CARHSP1: variants seen among roughly 807,000 people sequenced by gnomAD.
CARHSP1 encodes the protein calcium regulated heat stable protein 1.
A neutral mutation model predicts 12.5 loss-of-function variants in CARHSP1; 14 were observed. The observed-to-expected ratio is 1.12, with a 90% confidence interval of 0.74 to 1.75. The LOEUF is 1.75. Ranked by LOEUF, CARHSP1 falls within the 40% of genes most tolerant of loss-of-function variation. CARHSP1 has a pLI of 0.00. For synonymous variants in CARHSP1, 161 were observed against 82.0 expected, an observed-to-expected ratio of 1.96 and a Z score of -5.20; for missense variants, 343 against 201.6, an observed-to-expected ratio of 1.70 and a Z score of -4.25.
chr16:8,867,200 C>T (rs1188102025), intron 1 of CARHSP1: 2 of 152,316 alleles, frequency 1.3e-5, no homozygotes, highest in African/African-American at 2.4e-5. Flanking sequence ...CACGCCTCCC[C>T]CACTCAATCC....
chr16:8,857,285 T>G lies in CARHSP1; in HGVS notation c.281+1065A>C, dbSNP rs1327723501. 1.6e-3 allele frequency among the ~76,000 whole-genome samples: 199 copies of G among 127,782 alleles called. 5 individuals are homozygous for G. Among genetic ancestry groups the G allele is most frequent in the African/African-American group, 5.1e-3 (179 of 34,894 alleles). The allele number at this position is 127,782 out of a possible 152,430, so 83.8% of individuals were successfully genotyped here. On this transcript the variant is annotated intron_variant, in intron 3 of 3. Coordinates refer to ENST00000311052, the MANE Select transcript of CARHSP1 (RefSeq NM_014316.4). ...TCTGTTTTTTTTTTTTTTTTTTTTT[T>G]TTTTTTTTTTTTTTGAGATGGAGTT...
Position 8,858,612 on chromosome 16 carries a change from C to T in CARHSP1, c.159-140G>A, listed in dbSNP as rs1443410241. 9 of 1,007,690 alleles carry T rather than the reference C, an allele frequency of 8.9e-6. No individual in the cohort carries two copies. In the African/African-American group the frequency reaches 9.8e-5, roughly 11 times the overall value. 62.4% of individuals were successfully genotyped at this position (1,007,690 alleles called of 1,614,324 possible). A position where few individuals can be genotyped will look rare whatever the true frequency, so the allele number is the denominator to read the frequency against. On this transcript the variant is annotated intron_variant, in intron 2 of 3. Coordinates refer to ENST00000311052, the MANE Select transcript of CARHSP1 (RefSeq NM_014316.4). ...ACAGTCACACAGGCTGAGGACTGCA[C>T]AACCCTCAACCCTGGGAGCCGCTCA...
chr16:8,860,103 A>G, intron 1 of CARHSP1: 1 of 981,962 alleles, frequency 1.0e-6, no homozygotes, highest in Non-Finnish European at 1.2e-6. Flanking sequence ...GCAAAAACTG[A>G]CCCTCACGCA....
At chr16:8,868,355 G>A (rs913023793) in intron 1 of CARHSP1, 1 of 152,160 alleles carries the variant, frequency 6.6e-6, no homozygotes, top group Non-Finnish European at 1.5e-5. Flanking sequence ...CTGCGGAAAG[G>A]GGGCCTGTGG....
At chr16:8,866,846 C>T (rs1029219151) in intron 1 of CARHSP1, among the ~76,000 whole-genome samples, 4 of 152,232 alleles carry the variant, frequency 2.6e-5, no homozygotes, top group Admixed American at 2.0e-4. Context: ...AACAGGCGGG[C>T]AGGGAAGGTG....
rs537614451 is a variant in CARHSP1 at position 8,861,989 on chromosome 16, C to CTTTT, written c.-7-2658_-7-2655dup. 8.1e-4 allele frequency among the ~76,000 whole-genome samples: 65 copies of CTTTT among 79,798 alleles called. 3 individuals are homozygous for CTTTT. The highest frequency in any genetic ancestry group is 2.8e-3 in the East Asian group (6 of 2,140). 52.4% of individuals were successfully genotyped at this position (79,798 alleles called of 152,430 possible). On this transcript the variant is annotated intron_variant, in intron 1 of 3. Transcript: ENST00000311052. ...TTCTCCTGGAGTCAAGCATAGCTGACTTTTTTTTTTTTTTTTTTTTTTTTT... is the reference window on the plus strand; with the variant it reads ...TTCTCCTGGAGTCAAGCATAGCTGACTTTTTTTTTTTTTTTTTTTTTTTTTTTTT...
In CARHSP1 at chr16:8,859,290, G is replaced by C. The variant is rs146719271; in HGVS notation, c.39C>G (p.Thr13=). Residue 13 remains threonine, a synonymous_variant, in exon 2 of 4, where the codon ACC becomes ACG. Transcript: ENST00000311052. ...SEPPPPPQPP[T]HQASVGLLDT... is the part of the protein sequence containing the mutation. Reference sequence around the variant, plus strand: ...CCAGCAGCCCGACTGAAGCTTGATGGGTGGGGGGCTGTGGTGGTGGGGGAG... The same window carrying C: ...CCAGCAGCCCGACTGAAGCTTGATGCGTGGGGGGCTGTGGTGGTGGGGGAG... 10 of 1,604,030 alleles carry C rather than the reference G, an allele frequency of 6.2e-6. No homozygotes were observed. Among genetic ancestry groups the C allele is most frequent in the Non-Finnish European group, 6.8e-6 (8 of 1,177,772 alleles).
chr16:8,860,643 G>A (rs1413938583), intron 1 of CARHSP1: 1 of 176,574 alleles, frequency 5.7e-6, no homozygotes, highest in Non-Finnish European at 7.9e-6. Flanking sequence ...GGTACGAGAT[G>A]AAGTAGGGAG....
chr16:8,856,663 G>C (rs2061121938), intron 3 of CARHSP1, among the ~76,000 whole-genome samples: 1 of 152,130 alleles, frequency 6.6e-6, no homozygotes. Flanking sequence ...CCATTGCAGT[G>C]GGCTCCTCTT....
chr16:8,866,157 T>C (rs1380505152), intron 1 of CARHSP1, among the ~76,000 whole-genome samples: 2 of 152,182 alleles, frequency 1.3e-5, no homozygotes, highest in Admixed American at 1.3e-4. Flanking sequence ...TCTCACTGTG[T>C]TGTCCAGGCT....
At position 8,854,862 on chromosome 16, in the gene CARHSP1, C is replaced by T. The variant is rs1315205776; in HGVS notation, c.*302G>A. 4 of 245,102 alleles carry T rather than the reference C, an allele frequency of 1.6e-5. No individual in the cohort carries two copies. Among genetic ancestry groups the T allele is most frequent in the East Asian group, 1.5e-4 (2 of 13,580 alleles). The allele number at this position is 245,102 out of a possible 1,614,324, so 15.2% of individuals were successfully genotyped here. A position where few individuals can be genotyped will look rare whatever the true frequency, so the allele number is the denominator to read the frequency against. Reference sequence around the variant, plus strand: ...AGCTGGAGAAATACCACCCTTGATCCACTCCCTGGGATGGGGTTGGAACCT... The same window carrying T: ...AGCTGGAGAAATACCACCCTTGATCTACTCCCTGGGATGGGGTTGGAACCT... On this transcript the variant is annotated 3_prime_UTR_variant, in exon 4 of 4. Coordinates refer to ENST00000311052, the MANE Select transcript of CARHSP1 (RefSeq NM_014316.4).
chr16:8,855,323 C>T lies in CARHSP1; in HGVS notation c.285G>A (p.Val95=), dbSNP rs750865919. The T allele has an allele frequency of 1.0e-5, 16 of 1,597,298 alleles. No individual in the cohort carries two copies. Among genetic ancestry groups the T allele is most frequent in the Middle Eastern group, 1.7e-4 (1 of 6,014 alleles). Reference sequence around the variant, plus strand: ...CTTCCACTGGGACATACTCCCCTTCCACACTACGGGGGCATAAATAAAGCA... The same window carrying T: ...CTTCCACTGGGACATACTCCCCTTCTACACTACGGGGGCATAAATAAAGCA... ...GPDIFLHISD[V]EGEYVPVEGD... The change falls in exon 4 of 4, where the codon GTG becomes GTA. Residue 95 remains valine, a synonymous_variant. Coordinates refer to ENST00000311052, the MANE Select transcript of CARHSP1 (RefSeq NM_014316.4).
intron 1 of CARHSP1, among the ~76,000 whole-genome samples, chr16:8,860,947 G>A (rs1360339198): frequency 6.6e-6 from 1 of 151,510 alleles, no homozygotes; most frequent in Non-Finnish European, 1.5e-5. Flanking sequence ...CTACTCGGGA[G>A]GCCAAAGCTG....
intron 1 of CARHSP1, among the ~76,000 whole-genome samples, chr16:8,862,129 A>T (rs1007010436): frequency 1.3e-5 from 2 of 150,946 alleles, no homozygotes; most frequent in South Asian, 4.2e-4. Context: ...CAGCCTCCCA[A>T]GTAGCAGGGG....
chr16:8,861,055 AAAAT>A (rs71155410), intron 1 of CARHSP1, among the ~76,000 whole-genome samples: 93,560 of 145,010 alleles, frequency 0.65, 31,153 homozygotes, highest in Non-Finnish European at 0.72. Context: ...GTCTCAAAAA[AAAAT>A]AAATAACTTT....
intron 1 of CARHSP1, chr16:8,861,695 G>A (rs773456928): frequency 6.0e-5 from 77 of 1,288,962 alleles, no homozygotes; most frequent in East Asian, 5.0e-4. Flanking sequence ...CTACAGCCGC[G>A]GCCAAGGAGG....
In CARHSP1 at chr16:8,860,502, G is replaced by C. The variant is rs376034450; in HGVS notation, c.-7-1167C>G. ...CGTGGCCTCAGCTCGAGGTTCAGGG[G>C]AAAGAGAAACAGTCCAGCAGTCAGA... On this transcript the variant is annotated intron_variant, in intron 1 of 3. Coordinates refer to ENST00000311052, the MANE Select transcript of CARHSP1 (RefSeq NM_014316.4). 1.4e-5 allele frequency: 14 copies of C among 985,436 alleles called. No individual in the cohort carries two copies. The African/African-American group carries it at 2.3e-4, about 16-fold the overall frequency. 61.0% of individuals were successfully genotyped at this position (985,436 alleles called of 1,614,324 possible).
chr16:8,860,616 G>T, intron 1 of CARHSP1: 3 of 553,202 alleles, frequency 5.4e-6, no homozygotes, highest in Non-Finnish European at 6.9e-6. Flanking sequence ...TGGCACCTGC[G>T]CAGGGCTGGT....
rs112446561 is a variant in CARHSP1 at position 8,858,579 on chromosome 16, C to G, written c.159-107G>C. ...TGCCCCATCAAGCCCTGGCCAGGACCGCCATGTACAGTCACACAGGCTGAG... is the reference window on the plus strand; with the variant it reads ...TGCCCCATCAAGCCCTGGCCAGGACGGCCATGTACAGTCACACAGGCTGAG... On this transcript the variant is annotated intron_variant, in intron 2 of 3. Transcript: ENST00000311052. 8.4e-4 allele frequency: 1,166 copies of G among 1,380,414 alleles called. 12 individuals carry two copies. The African/African-American group carries it at 0.015, about 18-fold the overall frequency. The allele number at this position is 1,380,414 out of a possible 1,614,324, so 85.5% of individuals were successfully genotyped here. A position where few individuals can be genotyped will look rare whatever the true frequency, so the allele number is the denominator to read the frequency against.
Sources: allele counts gnomAD v4.1 joint callset (sites outside exome capture counted in the v4.1 genomes callset), GRCh38; gene constraint gnomAD v4.1.1; transcripts MANE v1.5; gene names NCBI Gene and HGNC (gene_info 2026-07-23, HGNC 2026-07-21).